Variants in SLC17A1 observed in about 807,000 individuals in gnomAD.
SLC17A1 encodes sodium-dependent phosphate transport protein 1.
A neutral mutation model predicts 53.5 loss-of-function variants in SLC17A1; 51 were observed. The ratio of observed to expected loss-of-function variants is 0.95; its 90% CI spans 0.76 to 1.20. The LOEUF is 1.20. Among genes scored for constraint, SLC17A1 ranks in the 50% most tolerant of loss-of-function variants. The probability of loss-of-function intolerance (pLI) is 0.00; values close to 1 mark genes in which losing one functional copy is unlikely to be tolerated. For synonymous variants in SLC17A1, 179 were observed against 198.8 expected (o/e 0.90, Z 0.84); for missense variants, 538 against 568.2 (o/e 0.95, Z 0.54).
chr6:25,750,134 T>G, the SLC17A1 span, among the ~76,000 whole-genome samples: 2 of 152,228 alleles, frequency 1.3e-5, no homozygotes, highest in Non-Finnish European at 2.9e-5. Context: ...CCGCCTTTTT[T>G]GGGGCATTGG....
At chr6:25,772,508 A>G in the SLC17A1 span, among the ~76,000 whole-genome samples, 697 of 152,332 alleles carry the variant, frequency 4.6e-3, 5 homozygotes, top group South Asian at 0.013. Flanking sequence ...AAGATTCTAA[A>G]AAGGGAATTT....
the SLC17A1 span, among the ~76,000 whole-genome samples, chr6:25,728,842 A>G: frequency 5.9e-5 from 9 of 152,210 alleles, no homozygotes; most frequent in Non-Finnish European, 1.2e-4. Flanking sequence ...ATATCAATGT[A>G]TAACAAGACC....
At chr6:25,726,570 G>C in the SLC17A1 span, 1 of 1,573,512 alleles carries the variant, frequency 6.4e-7, no homozygotes. Flanking sequence ...CACATTTCTA[G>C]GGCTGCTACT....
chr6:25,800,999 T>C lies in SLC17A1; in HGVS notation c.1179-19A>G, dbSNP rs1561828814. ...AAAATATCTATGCATAAAAGAGTAA[T>C]ACACAAATGTAAAGTAGTACAAATA... On this transcript the variant is annotated intron_variant, in intron 10 of 12. Transcript: ENST00000244527. The C allele has an allele frequency of 1.5e-6, 2 of 1,307,016 alleles. No individual in the cohort carries two copies. Among genetic ancestry groups the C allele is most frequent in the Non-Finnish European group, 2.2e-6 (2 of 901,532 alleles). 81.0% of individuals were successfully genotyped at this position (1,307,016 alleles called of 1,614,324 possible).
chr6:25,777,835 G>T, the SLC17A1 span: 245 of 1,018,010 alleles, frequency 2.4e-4, 1 homozygote, highest in Admixed American at 2.3e-4. Flanking sequence ...CCCTTTGTTT[G>T]CACAGGAATA....
intron 6 of SLC17A1, 99 bp from the exon 7 acceptor site, chr6:25,813,312 C>T (rs769584315): frequency 1.8e-5 from 17 of 949,218 alleles, no homozygotes; most frequent in Non-Finnish European, 2.5e-5. Context: ...GAAACTGGAC[C>T]TCCTCTTTCT....
At position 25,804,650 on chromosome 6, in the gene SLC17A1, C is replaced by G. The variant is rs534820925; in HGVS notation, c.1179-3670G>C. 1.3e-4 allele frequency among the ~76,000 whole-genome samples: 20 copies of G among 152,126 alleles called. No homozygotes were observed. In the South Asian group the frequency reaches 4.2e-3, roughly 32 times the overall value. On this transcript the variant is annotated intron_variant, in intron 10 of 12. Coordinates refer to ENST00000244527, the MANE Select transcript of SLC17A1 (RefSeq NM_005074.5). ...CTGTCTTAAAGAGACTCACCTAACTCATAAGGATTCATATAAACTCAAGGT... is the reference window on the plus strand; with the variant it reads ...CTGTCTTAAAGAGACTCACCTAACTGATAAGGATTCATATAAACTCAAGGT...
the SLC17A1 span, chr6:25,726,897 T>G: frequency 6.2e-7 from 1 of 1,606,452 alleles, no homozygotes. Context: ...GCTGCAGAAG[T>G]GTGTGGTAGC....
Position 25,811,732 on chromosome 6 carries a change from C to T in SLC17A1, c.936G>A (p.Trp312Ter). 6.2e-7 allele frequency: 1 copy of T among 1,613,780 alleles called. No individual in the cohort carries two copies. The highest frequency in any genetic ancestry group is 8.5e-7 in the Non-Finnish European group (1 of 1,179,766). Residue 312 changes from tryptophan (W) to a stop codon, truncating the protein, a stop_gained, in exon 9 of 13, where the codon TGG becomes TGA. Coordinates refer to ENST00000244527, the MANE Select transcript of SLC17A1 (RefSeq NM_005074.5). LOFTEE classifies it high-confidence loss of function. ...FLSSLPYLFA[W>*]ICGNLAGQLS... Reference sequence around the variant, plus strand: ...ACTGACCTGCTAGGTTACCACAGATCCAGGCAAACAAATAGGGAAGGGAAG... The same window carrying T: ...ACTGACCTGCTAGGTTACCACAGATTCAGGCAAACAAATAGGGAAGGGAAG...
chr6:25,808,403 C>G (rs1421512323), intron 10 of SLC17A1, among the ~76,000 whole-genome samples: 2 of 151,930 alleles, frequency 1.3e-5, no homozygotes, highest in South Asian at 2.1e-4. Context: ...ACAATGTACA[C>G]TATTCCCCTG....
chr6:25,770,304 C>T, the SLC17A1 span: 2 of 1,613,914 alleles, frequency 1.2e-6, no homozygotes, highest in Non-Finnish European at 1.7e-6. Context: ...AGCCCAGGTA[C>T]CAAGATGTTT....
the SLC17A1 span, among the ~76,000 whole-genome samples, chr6:25,733,947 T>C: frequency 6.6e-6 from 1 of 151,912 alleles, no homozygotes; most frequent in South Asian, 2.1e-4. Context: ...CCCGAGTAGC[T>C]GGGATTACAT....
chr6:25,726,203 G>A, the SLC17A1 span: 10 of 1,605,758 alleles, frequency 6.2e-6, no homozygotes, highest in Admixed American at 1.2e-4. Flanking sequence ...ATGTTAGGCA[G>A]GACTCCGCCC....
the SLC17A1 span, chr6:25,727,135 C>T: frequency 5.0e-6 from 8 of 1,614,068 alleles, no homozygotes; most frequent in African/African-American, 4.0e-5. Context: ...GAGCGTATAG[C>T]GAGCGAGGCA....
In SLC17A1 at chr6:25,826,578, A is replaced by T. The variant is rs542877118; in HGVS notation, c.90T>A (p.Asn30Lys). The T allele has an allele frequency of 5.0e-6, 8 of 1,608,692 alleles. No individual in the cohort carries two copies. The East Asian group carries it at 9.0e-5, about 18-fold the overall frequency. ...YGLSFLVHCC[N>K]VIITAQRACL... is the part of the protein sequence containing the mutation. ...ACGCACGCTGTGCTGTTATTATAAC[A>T]TTACAACAGTGCACAAGGAAAGACA... The change falls in exon 3 of 13, where the codon AAT becomes AAA. Residue 30 changes from asparagine to lysine, a missense_variant. Transcript: ENST00000244527.
intron 3 of SLC17A1, among the ~76,000 whole-genome samples, chr6:25,821,169 T>C (rs532240246): frequency 8.9e-4 from 136 of 152,302 alleles, no homozygotes; most frequent in South Asian, 1.0e-3. Flanking sequence ...ATGTTATTTT[T>C]GGTTGAATAT....
intron 2 of SLC17A1, among the ~76,000 whole-genome samples, chr6:25,827,274 C>T (rs1005048034): frequency 2.0e-4 from 30 of 151,880 alleles, no homozygotes; most frequent in Admixed American, 2.6e-4. Context: ...AGGTATATGT[C>T]TACAAAACAA....
chr6:25,777,436 A>T, the SLC17A1 span: 3 of 160,606 alleles, frequency 1.9e-5, no homozygotes, highest in Admixed American at 1.2e-4. Context: ...TCATCTTCAG[A>T]TAATGAACCA....
Position 25,826,514 on chromosome 6 carries a change from C to G in SLC17A1, c.154G>C (p.Asp52His). The part of the protein sequence containing the change: ...LTMVVMVNST[D>H]PHGLPNTSTK... ...GAGGTGTTGGGCAAACCATGTGGAT[C>G]TGTGCTATTCACCATGACTACCATT... The change falls in exon 3 of 13, where the codon GAT becomes CAT. Residue 52 changes from aspartate (D) to histidine (H), a missense_variant. Transcript: ENST00000244527. 2 of 1,612,262 alleles carry G rather than the reference C, an allele frequency of 1.2e-6. No homozygotes were observed. The highest frequency in any genetic ancestry group is 1.7e-6 in the Non-Finnish European group (2 of 1,178,842).
Sources: gnomAD v4.1 joint callset for allele counts (sites outside exome capture counted in the v4.1 genomes callset) on GRCh38, gnomAD v4.1.1 for gene constraint, MANE v1.5 for transcripts, NCBI Gene and HGNC (gene_info 2026-07-23, HGNC 2026-07-21) for gene names.